Variants in MXRA8 observed in about 807,000 individuals in gnomAD.
MXRA8 encodes the protein matrix remodeling associated 8.
Under a neutral mutation model 51.4 loss-of-function variants are expected in MXRA8, and 44 were observed. The ratio of observed to expected loss-of-function variants is 0.86; its 90% CI spans 0.67 to 1.10. The LOEUF (loss-of-function observed/expected upper bound fraction) is 1.10, where lower values mean the gene tolerates loss of function less well. Among genes scored for constraint, MXRA8 ranks in the 50% least tolerant of loss-of-function variants. The pLI is 0.00. For missense variants in MXRA8, 765 were observed against 638.9 expected (o/e 1.20, Z -2.13); for synonymous variants, 369 against 293.5 (o/e 1.26, Z -2.63).
chr1:1,361,019 CAT>C (rs201951649), upstream of MXRA8, among the ~76,000 whole-genome samples: 59 of 150,570 alleles, frequency 3.9e-4, no homozygotes, highest in Admixed American at 2.8e-3. Flanking sequence ...GACACAGACA[CAT>C]ACACATGCAT....
intron 1 of MXRA8, among the ~76,000 whole-genome samples, chr1:1,358,167 AGAGGGGCTGCAG>A (rs1374773614): frequency 1.3e-5 from 2 of 152,218 alleles, no homozygotes; most frequent in Non-Finnish European, 2.9e-5. Flanking sequence ...AGCCCCAGCA[AGAGGGGCTGCAG>A]GAGGGGCCCC....
intron 5 of MXRA8, 35 bp downstream of exon 5, chr1:1,354,647 C>G (rs1430085006): frequency 6.5e-7 from 1 of 1,538,626 alleles, no homozygotes; most frequent in Non-Finnish European, 8.7e-7. Context: ...GGGGTGGGCT[C>G]CCGCCTTCCC....
chr1:1,357,718 G>A (rs1287202159), intron 1 of MXRA8, among the ~76,000 whole-genome samples: 2 of 152,206 alleles, frequency 1.3e-5, no homozygotes, highest in East Asian at 1.9e-4. Context: ...GCCGAGGCAA[G>A]AAAATGACTT....
At chr1:1,363,451 T>TTTTA (rs1644240604), upstream of MXRA8, among the ~76,000 whole-genome samples, 1 of 60,400 alleles carries the variant, frequency 1.7e-5, no homozygotes. Flanking sequence ...TTTTTTTTTT[T>TTTTA]GAGACAGAGT....
chr1:1,358,602 A>G, upstream of MXRA8: 1 of 1,500,068 alleles, frequency 6.7e-7, no homozygotes, highest in Non-Finnish European at 8.9e-7. Context: ...CCGCGGTGAC[A>G]TCACGGAGGC....
rs556604236 is a variant in MXRA8, at chr1:1,358,202, G to A, written c.49+254C>T. Among the ~76,000 whole-genome samples, 1,055 of 152,296 alleles carry A rather than the reference G, an allele frequency of 6.9e-3. 9 individuals are homozygous for A. The highest frequency in any genetic ancestry group is 0.024 in the African/African-American group (1,008 of 41,554). ...CAGGAGGGGCCCCGAGGGAGACGCC[G>A]CCGTGCCTGGGCCCCCAGCCCTTCT... On this transcript the variant is annotated intron_variant, in intron 1 of 9. Coordinates refer to ENST00000309212, the MANE Select transcript of MXRA8 (RefSeq NM_032348.4).
Position 1,354,379 on chromosome 1 carries a change from G to A in MXRA8, c.1080C>T (p.Leu360=), listed in dbSNP as rs775118675. The stretch of plus-strand genomic sequence containing the variant: ...CTCCGCGGCGCCTGCGGGCGGCCAG[G>A]AGGACAGTGACCAGTAGCAGGATGA... ...LLFILLLVTV[L]LAARRRRGGY... is the part of the protein sequence containing the mutation. The change falls in exon 6 of 10, where the codon CTC becomes CTT. Residue 360 remains leucine (L), a synonymous_variant. Transcript: ENST00000309212. The A allele has an allele frequency of 6.2e-7, 1 of 1,612,080 alleles. No individual in the cohort carries two copies. Among genetic ancestry groups the A allele is most frequent in the Non-Finnish European group, 8.5e-7 (1 of 1,179,726 alleles).
chr1:1,359,387 A>G, upstream of MXRA8: 1 of 985,430 alleles, frequency 1.0e-6, no homozygotes, highest in Non-Finnish European at 1.2e-6. Context: ...ACATAAACAA[A>G]TGCGAAATAA....
At chr1:1,356,462 CTG>C (rs2100813539) in intron 2 of MXRA8, among the ~76,000 whole-genome samples, 2 of 78,244 alleles carry the variant, frequency 2.6e-5, no homozygotes, top group East Asian at 3.4e-4. Flanking sequence ...GTGCGGGAGT[CTG>C]TGGGGGAGGG....
At chr1:1,359,645 G>A, upstream of MXRA8, 3 of 916,340 alleles carry the variant, frequency 3.3e-6, no homozygotes, top group Non-Finnish European at 3.9e-6. Context: ...CTCAGGGCGA[G>A]GGGAGGGGAA....
chr1:1,355,744 C>T lies in MXRA8; in HGVS notation c.82G>A (p.Val28Ile). ...SAVLLHSGSSVPAAAGSSVVS... is the reference protein window; with the variant it reads ...SAVLLHSGSSIPAAAGSSVVS... Reference sequence around the variant, plus strand: ...ACGGAGCTGCCAGCAGCGGCGGGTACCGAGGACCCTGGTGGGGGAGGGGAG... The same window carrying T: ...ACGGAGCTGCCAGCAGCGGCGGGTATCGAGGACCCTGGTGGGGGAGGGGAG... Residue 28 changes from valine (V) to isoleucine (I), a missense_variant, in exon 3 of 10, where the codon GTA becomes ATA. Physicochemically the swap from Val to Ile is conservative, Grantham distance 29. Transcript: ENST00000309212. The T allele has an allele frequency of 7.7e-7, 1 of 1,292,716 alleles. No homozygotes were observed. The highest frequency in any genetic ancestry group is 9.7e-7 in the Non-Finnish European group (1 of 1,027,436). The allele number at this position is 1,292,716 out of a possible 1,614,324, so 80.1% of individuals were successfully genotyped here.
chr1:1,355,436 C>G lies in MXRA8; in HGVS notation c.376+14G>C. 4 of 1,487,120 alleles carry G rather than the reference C, an allele frequency of 2.7e-6. No homozygotes were observed. The highest frequency in any genetic ancestry group is 3.5e-6 in the Non-Finnish European group (4 of 1,127,664). 92.1% of individuals were successfully genotyped at this position (1,487,120 alleles called of 1,614,324 possible). On this transcript the variant is annotated intron_variant, in intron 3 of 9. Coordinates refer to ENST00000309212, the MANE Select transcript of MXRA8 (RefSeq NM_032348.4). ...CTGCCCCGACCCCGCGGCCCCGGTC[C>G]CCGGTCCCCGCACCGCGGATGAGCA...
Position 1,355,042 on chromosome 1 carries a change from G to A in MXRA8, c.589C>T (p.His197Tyr), listed in dbSNP as rs764598868. ...VNRGHVWTDR[H>Y]VEEAQQVVHW... ...ACCACCTGTTGAGCCTCCTCCACGT[G>A]CCGGTCGGTCCACACGTGCCCGCGG... The change falls in exon 5 of 10, where the codon CAC (histidine) becomes TAC (tyrosine). Residue 197 changes from histidine (H) to tyrosine (Y), a missense_variant. His to Tyr is a moderately conservative substitution (Grantham distance 83). Coordinates refer to ENST00000309212, the MANE Select transcript of MXRA8 (RefSeq NM_032348.4). The A allele has an allele frequency of 6.2e-7, 1 of 1,608,102 alleles. No individual in the cohort carries two copies. Among genetic ancestry groups the A allele is most frequent in the East Asian group, 2.2e-5 (1 of 44,700 alleles).
chr1:1,359,631 T>C (rs1644194755), upstream of MXRA8: 1 of 961,884 alleles, frequency 1.0e-6, no homozygotes, highest in Non-Finnish European at 1.2e-6. Context: ...ATCAGAGTGG[T>C]GGTCTCAGGG....
chr1:1,354,204 T>C lies in MXRA8; in HGVS notation c.1134A>G (p.Gly378=). The change falls in exon 7 of 10, where the codon GGA becomes GGG. Residue 378 remains glycine (G), a synonymous_variant. Transcript: ENST00000309212. The stretch of plus-strand genomic sequence containing the variant: ...AGGGGGGCACTCACCCCTTTGACTT[T>C]CCCGACTTCTGGTCCGAGTATTCGT... The part of the protein sequence containing the change: ...GGYEYSDQKS[G]KSKGKDVNLA... The C allele has an allele frequency of 6.2e-7, 1 of 1,612,522 alleles. No homozygotes were observed. The highest frequency in any genetic ancestry group is 2.2e-5 in the East Asian group (1 of 44,890).
Position 1,355,090 on chromosome 1 carries a change from G to T in MXRA8, c.541C>A (p.Pro181Thr). 1.3e-6 allele frequency: 2 copies of T among 1,550,994 alleles called. No homozygotes were observed. Among genetic ancestry groups the T allele is most frequent in the Non-Finnish European group, 1.7e-6 (2 of 1,158,542 alleles). The change falls in exon 5 of 10, where the codon CCC becomes ACC. Residue 181 changes from proline (P) to threonine (T), a missense_variant. Coordinates refer to ENST00000309212, the MANE Select transcript of MXRA8 (RefSeq NM_032348.4). ...CGGTTCACGCAGGTCAGAAGCGCGG[G>T]TGCGCCGCGCGCCACCGCCAGCACC... ...KEVLAVARGA[P>T]ALLTCVNRGH...
chr1:1,353,172 G>T lies in MXRA8; in HGVS notation c.*432C>A. 9.7e-7 allele frequency: 1 copy of T among 1,029,872 alleles called. No homozygotes were observed. Among genetic ancestry groups the T allele is most frequent in the Non-Finnish European group, 1.5e-6 (1 of 679,084 alleles). The allele number at this position is 1,029,872 out of a possible 1,614,324, so 63.8% of individuals were successfully genotyped here. A position where few individuals can be genotyped will look rare whatever the true frequency, so the allele number is the denominator to read the frequency against. On this transcript the variant is annotated 3_prime_UTR_variant, in exon 10 of 10. Coordinates refer to ENST00000309212, the MANE Select transcript of MXRA8 (RefSeq NM_032348.4). Reference sequence around the variant, plus strand: ...TCAAGGCTGCCAAGTTCTGATGGGAGTGTCCTCCTCCAGGAACATCTCCCA... The same window carrying T: ...TCAAGGCTGCCAAGTTCTGATGGGATTGTCCTCCTCCAGGAACATCTCCCA...
At chr1:1,358,563 C>T (rs1644178689), upstream of MXRA8, 2 of 1,582,322 alleles carry the variant, frequency 1.3e-6, no homozygotes, top group African/African-American at 1.3e-5. Context: ...TCCAGAAAAA[C>T]AGCCCTACCC....
At position 1,353,163 on chromosome 1, in the gene MXRA8, C is replaced by G. The variant is rs1644037225; in HGVS notation, c.*441G>C. The G allele has an allele frequency of 2.0e-6, 2 of 986,916 alleles. No homozygotes were observed. The highest frequency in any genetic ancestry group is 2.6e-5 in the East Asian group (1 of 38,174). 61.1% of individuals were successfully genotyped at this position (986,916 alleles called of 1,614,324 possible). ...ACCCCAACTTCAAGGCTGCCAAGTT[C>G]TGATGGGAGTGTCCTCCTCCAGGAA... On this transcript the variant is annotated 3_prime_UTR_variant, in exon 10 of 10. Transcript: ENST00000309212.
Sources: allele counts gnomAD v4.1 joint callset (sites outside exome capture counted in the v4.1 genomes callset), GRCh38; gene constraint gnomAD v4.1.1; transcripts MANE v1.5; gene names NCBI Gene and HGNC (gene_info 2026-07-23, HGNC 2026-07-21).